LTF: variants seen among roughly 807,000 people sequenced by gnomAD.
LTF encodes epididymis luminal protein 110.
A neutral mutation model predicts 87.2 loss-of-function variants in LTF; 91 were observed. The observed-to-expected ratio is 1.04, with a 90% CI of 0.88 to 1.24. The LOEUF (loss-of-function observed/expected upper bound fraction) is 1.24, where lower values mean the gene tolerates loss of function less well. Among genes scored for constraint, LTF ranks in the 50% most tolerant of loss-of-function variants. The probability of loss-of-function intolerance (pLI) is 0.00; values close to 1 mark genes in which losing one functional copy is unlikely to be tolerated. For synonymous variants in LTF, 378 were observed against 356.1 expected (o/e 1.06, Z -0.69); for missense variants, 901 against 904.3 (o/e 1.00, Z 0.05).
intron 2 of LTF, among the ~76,000 whole-genome samples, chr3:46,470,093 G>C (rs144109600): frequency 1.3e-5 from 2 of 152,326 alleles, no homozygotes; most frequent in African/African-American, 4.8e-5. Context: ...AAGGGGCAGT[G>C]GAATGAGCTC....
intron 4 of LTF, 117 bp downstream of exon 4, chr3:46,455,679 C>T (rs1432715601): frequency 7.8e-7 from 1 of 1,286,096 alleles, no homozygotes; most frequent in Non-Finnish European, 1.1e-6. Flanking sequence ...AGCTGGCCAG[C>T]CTCACCCCCA....
chr3:46,467,754 G>A (rs1260770530), upstream of LTF, among the ~76,000 whole-genome samples: 2 of 149,102 alleles, frequency 1.3e-5, no homozygotes, highest in East Asian at 2.0e-4. Context: ...GGGCCCAAGC[G>A]ATCCTCCCAC....
In LTF at chr3:46,455,994, C is replaced by T; in HGVS notation, c.317-16G>A. ...GTTCGTGGCTCTGCAAAGGGGCAGA[C>T]AGAATTGAAAGTTCTTAGCCTGGAC... On this transcript the variant is annotated splice_polypyrimidine_tract_variant and intron_variant, in intron 3 of 16. Coordinates refer to ENST00000231751, the MANE Select transcript of LTF (RefSeq NM_002343.6). 1.3e-6 allele frequency: 2 copies of T among 1,550,284 alleles called. No homozygotes were observed. Among genetic ancestry groups the T allele is most frequent in the Non-Finnish European group, 1.7e-6 (2 of 1,150,906 alleles).
chr3:46,484,969 G>C (rs1703498070), intron 1 of LTF: 1 of 152,294 alleles, frequency 6.6e-6, no homozygotes, highest in Admixed American at 6.5e-5. Context: ...AGCTCCTCTG[G>C]CTCTGGGAGC....
chr3:46,452,955 A>G (rs1391245863), intron 6 of LTF, among the ~76,000 whole-genome samples: 2 of 152,244 alleles, frequency 1.3e-5, no homozygotes, highest in African/African-American at 4.8e-5. Flanking sequence ...TCTCAAAACT[A>G]CAAACCAACA....
At chr3:46,443,400 A>C in intron 13 of LTF, 41 bp downstream of exon 13, 1 of 1,603,798 alleles carries the variant, frequency 6.2e-7, no homozygotes, top group Non-Finnish European at 8.5e-7. Flanking sequence ...CTGAGGGATG[A>C]GGTAAGTCCC....
chr3:46,444,412 C>A (rs898615241), intron 12 of LTF, among the ~76,000 whole-genome samples: 1 of 152,132 alleles, frequency 6.6e-6, no homozygotes, highest in Non-Finnish European at 1.5e-5. Context: ...TGAATTCGTT[C>A]ATTGTGTGAT....
At chr3:46,462,980 G>T (rs180920484) in intron 1 of LTF, among the ~76,000 whole-genome samples, 1 of 152,110 alleles carries the variant, frequency 6.6e-6, no homozygotes, top group Non-Finnish European at 1.5e-5. Flanking sequence ...CTAAAGGACC[G>T]CTGAGCTCCC....
chr3:46,470,504 G>T, intron 1 of LTF: 1 of 152,428 alleles, frequency 6.6e-6, no homozygotes, highest in Non-Finnish European at 1.5e-5. Context: ...TCACTCAGTA[G>T]GAGCCTGAGA....
intron 2 of LTF, among the ~76,000 whole-genome samples, chr3:46,457,771 C>T (rs1479595176): frequency 6.6e-6 from 1 of 151,942 alleles, no homozygotes; most frequent in Admixed American, 6.6e-5. Flanking sequence ...TACATTTTTT[C>T]CAATTTGGGT....
At chr3:46,457,948 T>C (rs1043311870) in intron 2 of LTF, among the ~76,000 whole-genome samples, 2 of 151,316 alleles carry the variant, frequency 1.3e-5, no homozygotes, top group East Asian at 3.9e-4. Context: ...TGGCTAATTT[T>C]TTTTTTTTTG....
upstream of LTF, chr3:46,468,217 T>A (rs1214095795): frequency 2.2e-6 from 1 of 456,786 alleles, no homozygotes; most frequent in East Asian, 6.9e-5. Context: ...AGCCAGGCCA[T>A]GCCAAAGCCT....
intron 1 of LTF, among the ~76,000 whole-genome samples, chr3:46,483,251 C>A (rs73067777): frequency 1.0e-3 from 158 of 152,326 alleles, no homozygotes; most frequent in Non-Finnish European, 1.7e-3. Flanking sequence ...CCAGAATGAG[C>A]CAACTCCAGC....
chr3:46,438,041 G>A lies in LTF; in HGVS notation c.1997C>T (p.Thr666Ile), dbSNP rs144655734. Residue 666 changes from threonine to isoleucine, a missense_variant, in exon 16 of 17, where the codon ACT becomes ATT. Physicochemically the swap from Thr to Ile is moderately conservative, Grantham distance 89. Transcript: ENST00000231751. ...ETKNLLFNDNTECLARLHGKT... is the reference protein window; with the variant it reads ...ETKNLLFNDNIECLARLHGKT... Reference sequence around the variant, plus strand: ...GCCATGGAGTCTGGCCAGACACTCAGTGTTGTCATTGAACAGAAGGTTTTT... The same window carrying A: ...GCCATGGAGTCTGGCCAGACACTCAATGTTGTCATTGAACAGAAGGTTTTT... 3.1e-6 allele frequency: 5 copies of A among 1,613,858 alleles called. No individual in the cohort carries two copies. Among genetic ancestry groups the A allele is most frequent in the Non-Finnish European group, 4.2e-6 (5 of 1,179,922 alleles).
chr3:46,470,835 T>C (rs925097916), intron 1 of LTF, among the ~76,000 whole-genome samples: 1 of 152,108 alleles, frequency 6.6e-6, no homozygotes. Flanking sequence ...TCTCCATATG[T>C]AAAAAAGAGA....
intron 13 of LTF, 108 bp downstream of exon 13, chr3:46,443,333 C>G (rs1191040935): frequency 7.4e-7 from 1 of 1,352,750 alleles, no homozygotes; most frequent in Non-Finnish European, 1.0e-6. Flanking sequence ...CACAGGATGA[C>G]CCCCACTCTG....
At position 46,474,141 on chromosome 3, in the gene LTF, A is replaced by G. The variant is rs189502731; in HGVS notation, c.-319-3675T>C. On this transcript the variant is annotated intron_variant, in intron 1 of 19. Coordinates refer to the LTF transcript ENST00000443496. The stretch of plus-strand genomic sequence containing the variant: ...AATTACATAAGTAAATAGTCTAAAT[A>G]CTCCAATTAAAAGAATGGGATTGGA... 1.7e-3 allele frequency among the ~76,000 whole-genome samples: 254 copies of G among 152,284 alleles called. 1 individual carries two copies. Among genetic ancestry groups the G allele is most frequent in the African/African-American group, 5.8e-3 (240 of 41,560 alleles).
intron 14 of LTF, 146 bp from the exon 15 acceptor site, chr3:46,439,626 C>A (rs1702467832): frequency 3.1e-6 from 2 of 637,064 alleles, no homozygotes; most frequent in Non-Finnish European, 5.3e-6. Flanking sequence ...GAGCTTCATC[C>A]TACACAAGCT....
rs28365894 is a variant in LTF, at chr3:46,464,786, C to T, written c.43+39G>A. On this transcript the variant is annotated intron_variant, in intron 1 of 16. Transcript: ENST00000231751. Reference sequence around the variant, plus strand: ...CCTAGCAGACAGGGCGCAGGAGACGCCCATCAGGCGGCTCGCGCCCCCAGG... The same window carrying T: ...CCTAGCAGACAGGGCGCAGGAGACGTCCATCAGGCGGCTCGCGCCCCCAGG... 3.2e-4 allele frequency: 510 copies of T among 1,611,274 alleles called. 5 individuals carry two copies. The East Asian group carries it at 0.01, about 32-fold the overall frequency.
Sources: gnomAD v4.1 joint callset for allele counts (sites outside exome capture counted in the v4.1 genomes callset) on GRCh38, gnomAD v4.1.1 for gene constraint, MANE v1.5 for transcripts, NCBI Gene and HGNC (gene_info 2026-07-23, HGNC 2026-07-21) for gene names.